Variants in CC2D1A observed in about 807,000 individuals in gnomAD.
The protein encoded by CC2D1A is coiled-coil and C2 domain containing 1A.
In CC2D1A, 68 loss-of-function variants were observed where a neutral mutation model predicts 123.8. The ratio of observed to expected loss-of-function variants is 0.55; its 90% CI spans 0.45 to 0.67. The LOEUF is 0.67. CC2D1A is among the 30% of genes least tolerant of loss of function. The pLI, the probability that CC2D1A is intolerant of heterozygous loss-of-function variation, is 0.00. For missense variants in CC2D1A, 1,185 were observed against 1,290.3 expected (o/e 0.92, Z 1.25); for synonymous variants, 477 against 528.0 (o/e 0.90, Z 1.32).
chr19:13,906,512 G>A lies in CC2D1A; in HGVS notation c.60+11G>A, dbSNP rs1214034173. On this transcript the variant is annotated intron_variant, in intron 1 of 28. Coordinates refer to ENST00000318003, the MANE Select transcript of CC2D1A (RefSeq NM_017721.5). The surrounding 1 kb of genome is among the most constrained non-coding windows in gnomAD (Gnocchi z 4.1). ...GCGGCCGCCCGCCAGGTGAGTTTGC[G>A]CCCCACGGCCCGACCTGGGGATCCC... 134 of 1,473,276 alleles carry A rather than the reference G, an allele frequency of 9.1e-5. No individual in the cohort carries two copies. Among genetic ancestry groups the A allele is most frequent in the Non-Finnish European group, 1.2e-4 (131 of 1,115,790 alleles). The allele number at this position is 1,473,276 out of a possible 1,614,324, so 91.3% of individuals were successfully genotyped here. A position where few individuals can be genotyped will look rare whatever the true frequency, so the allele number is the denominator to read the frequency against.
intron 24 of CC2D1A, 24 bp from the exon 25 acceptor site, chr19:13,929,355 C>A (rs370583100): frequency 6.2e-7 from 1 of 1,612,410 alleles, no homozygotes; most frequent in Non-Finnish European, 8.5e-7. Flanking sequence ...CTCTGCAGTC[C>A]CTTATCCTTC....
rs374676329 is a variant in CC2D1A at position 13,919,879 on chromosome 19, C to T, written c.1284C>T (p.Val428=). 3 of 1,613,048 alleles carry T rather than the reference C, an allele frequency of 1.9e-6. No homozygotes were observed. The African/African-American group carries it at 4.0e-5, about 22-fold the overall frequency. The part of the protein sequence containing the change: ...TKPTQQSLVG[V]LETAMKLANQ... Reference sequence around the variant, plus strand: ...CCACCCAGCAGAGTCTGGTGGGTGTCCTGGAGACTGCCATGAAGCTGGCCA... The same window carrying T: ...CCACCCAGCAGAGTCTGGTGGGTGTTCTGGAGACTGCCATGAAGCTGGCCA... Residue 428 remains valine, a synonymous_variant, in exon 12 of 29, where the codon GTC becomes GTT. Coordinates refer to ENST00000318003, the MANE Select transcript of CC2D1A (RefSeq NM_017721.5).
At chr19:13,928,228 A>G in intron 24 of CC2D1A, 40 bp downstream of exon 24, 1 of 1,562,668 alleles carries the variant, frequency 6.4e-7, no homozygotes, top group South Asian at 1.1e-5. Context: ...AAAACACCCA[A>G]TTCCCCTCTC....
chr19:13,918,731 C>A lies in CC2D1A; in HGVS notation c.947-15C>A. ...CTAACAAGCCCCTCATTGGCCTGGA[C>A]CTCTCTGTCCCCAGACCAGCTGCCC... On this transcript the variant is annotated splice_polypyrimidine_tract_variant and intron_variant, in intron 8 of 28. Coordinates refer to ENST00000318003, the MANE Select transcript of CC2D1A (RefSeq NM_017721.5). 6.2e-7 allele frequency: 1 copy of A among 1,607,690 alleles called. No homozygotes were observed. The highest frequency in any genetic ancestry group is 2.2e-5 in the East Asian group (1 of 44,872).
At position 13,906,578 on chromosome 19, in the gene CC2D1A, C is replaced by G. The variant is rs1970746270; in HGVS notation, c.60+77C>G. 2.1e-6 allele frequency: 2 copies of G among 930,974 alleles called. No homozygotes were observed. Among genetic ancestry groups the G allele is most frequent in the Non-Finnish European group, 1.5e-6 (1 of 665,288 alleles). The allele number at this position is 930,974 out of a possible 1,614,324, so 57.7% of individuals were successfully genotyped here. Reference sequence around the variant, plus strand: ...CTCGCTCAGGGAAGGGCCCCACCCCCCAGGGAAGCCCGATCTCCGCCCCAC... The same window carrying G: ...CTCGCTCAGGGAAGGGCCCCACCCCGCAGGGAAGCCCGATCTCCGCCCCAC... On this transcript the variant is annotated intron_variant, in intron 1 of 28. Coordinates refer to ENST00000318003, the MANE Select transcript of CC2D1A (RefSeq NM_017721.5). This position sits in a 1 kb window ranked among gnomAD's most constrained non-coding sequence, Gnocchi z 4.1.
chr19:13,916,808 C>T (rs543749002), intron 6 of CC2D1A, among the ~76,000 whole-genome samples: 4 of 152,206 alleles, frequency 2.6e-5, no homozygotes, highest in Non-Finnish European at 2.9e-5. Context: ...AAAGATACTG[C>T]GTGCCATTTT....
rs1465757245 is a variant in CC2D1A at position 13,925,959 on chromosome 19, TAC to T, written c.1941-555_1941-554del. Among the ~76,000 whole-genome samples, 173 of 120,382 alleles carry T rather than the reference TAC, an allele frequency of 1.4e-3. 7 individuals are homozygous for T. The highest frequency in any genetic ancestry group is 6.2e-3 in the African/African-American group (161 of 26,052). 79.0% of individuals were successfully genotyped at this position (120,382 alleles called of 152,430 possible). On this transcript the variant is annotated intron_variant, in intron 17 of 28. Transcript: ENST00000318003. ...ATATATATATATATATATATATATA[TAC>T]ACGTATATATATGTGTATATATATA...
At chr19:13,908,860 T>A (rs769532257) in intron 1 of CC2D1A, among the ~76,000 whole-genome samples, 1 of 151,708 alleles carries the variant, frequency 6.6e-6, no homozygotes, top group Non-Finnish European at 1.5e-5. Context: ...CCTCCCTCCC[T>A]CGCTTCCTTC....
chr19:13,919,926 A>T lies in CC2D1A; in HGVS notation c.1331A>T (p.Asp444Val). The change falls in exon 12 of 29, where the codon GAT becomes GTT. Residue 444 changes from aspartate (D) to valine (V), a missense_variant. Transcript: ENST00000318003. ...KLANQDEGPE[D>V]EEDEVPKKQN... ...GCCAACCAGGATGAAGGCCCAGAGG[A>T]TGAAGAGGATGAGGTGCCTAAGAAG... 1.2e-6 allele frequency: 2 copies of T among 1,613,024 alleles called. No homozygotes were observed. The highest frequency in any genetic ancestry group is 1.7e-6 in the Non-Finnish European group (2 of 1,179,682).
At chr19:13,920,011 C>A in intron 12 of CC2D1A, 60 bp downstream of exon 12, 1 of 1,502,944 alleles carries the variant, frequency 6.7e-7, no homozygotes, top group Non-Finnish European at 9.1e-7. Flanking sequence ...CTTTGGGAAT[C>A]CAAGATGGGA....
At position 13,912,456 on chromosome 19, in the gene CC2D1A, G is replaced by A. The variant is rs370245597; in HGVS notation, c.312+18G>A. 3.8e-5 allele frequency: 61 copies of A among 1,613,944 alleles called. No homozygotes were observed. In the African/African-American group the frequency reaches 6.4e-4, roughly 17 times the overall value. ...ACCTGCTGGTGAGCACTGAGGGCGG[G>A]GTGGGGGCTCTGATCCGGTTGCCCC... On this transcript the variant is annotated intron_variant, in intron 3 of 28. Transcript: ENST00000318003.
Position 13,923,710 on chromosome 19 carries a change from G to A in CC2D1A, c.1839G>A (p.Ala613=), listed in dbSNP as rs762535339. The A allele has an allele frequency of 1.1e-5, 18 of 1,614,056 alleles. No homozygotes were observed. Among genetic ancestry groups the A allele is most frequent in the African/African-American group, 8.0e-5 (6 of 74,942 alleles). ...ITETTKFEKL[A]EDCKRSMDIL... is the part of the protein sequence containing the mutation. The stretch of plus-strand genomic sequence containing the variant: ...CCACCGGCAGGTTTGAAAAGTTGGC[G>A]GAGGACTGTAAGCGGAGCATGGACA... Residue 613 remains alanine (A), a synonymous_variant, in exon 17 of 29, where the codon GCG becomes GCA. Transcript: ENST00000318003. This position sits in a 1 kb window ranked among gnomAD's most constrained non-coding sequence, Gnocchi z 5.3.
rs1237576245 is a variant in CC2D1A at position 13,929,632 on chromosome 19, G to A, written c.2682G>A (p.Leu894=). The A allele has an allele frequency of 1.1e-5, 18 of 1,572,396 alleles. No homozygotes were observed. The highest frequency in any genetic ancestry group is 1.5e-5 in the Non-Finnish European group (18 of 1,161,610). The change falls in exon 26 of 29, where the codon CTG becomes CTA. Residue 894 remains leucine, a synonymous_variant. Coordinates refer to ENST00000318003, the MANE Select transcript of CC2D1A (RefSeq NM_017721.5). ...MQRSQWQRAQ[L]EQGGVGIRRE... is the part of the protein sequence containing the mutation. ...GCAGCCAGTGGCAGAGGGCACAGCT[G>A]GAGCAGGGGGGTGTGGGCATCCGAC...
rs1361464805 is a variant in CC2D1A at position 13,912,590 on chromosome 19, C to T, written c.375C>T (p.Ala125=). 3 of 1,613,894 alleles carry T rather than the reference C, an allele frequency of 1.9e-6. No homozygotes were observed. Among genetic ancestry groups the T allele is most frequent in the South Asian group, 1.1e-5 (1 of 91,086 alleles). The change falls in exon 4 of 29, where the codon GCC becomes GCT. Residue 125 remains alanine, a synonymous_variant. Transcript: ENST00000318003. ...CTTCAGAGACCCCACCTCCTGTGGCCCAGGTACAGTTTGGATGACTCCACT... is the reference window on the plus strand; with the variant it reads ...CTTCAGAGACCCCACCTCCTGTGGCTCAGGTACAGTTTGGATGACTCCACT... ...QKASETPPPV[A]QPKPEAPHPG...
rs780974151 is a variant in CC2D1A at position 13,919,027 on chromosome 19, C to T, written c.1134C>T (p.His378=). ...GGGACCAGCGGAAAGCTCGAATGCA[C>T]GAGCGCATCGTCAAGGTGCCCTGGG... ...SKGDQRKARM[H]ERIVKQYQDA... Residue 378 remains histidine (H), a synonymous_variant, in exon 10 of 29, where the codon CAC becomes CAT. Coordinates refer to ENST00000318003, the MANE Select transcript of CC2D1A (RefSeq NM_017721.5). 32 of 1,606,856 alleles carry T rather than the reference C, an allele frequency of 2.0e-5. 1 individual carries two copies. In the South Asian group the frequency reaches 2.0e-4, roughly 10 times the overall value.
Position 13,906,456 on chromosome 19 carries a change from A to AGGACCCCCG in CC2D1A, c.27_35dup (p.Pro10_Gly12dup), listed in dbSNP as rs1028125077. On this transcript the variant is annotated inframe_insertion, in exon 1 of 29. Coordinates refer to ENST00000318003, the MANE Select transcript of CC2D1A (RefSeq NM_017721.5). The surrounding 1 kb of genome is among the most constrained non-coding windows in gnomAD (Gnocchi z 4.1). Reference sequence around the variant, plus strand: ...CAGCCTTGAAGATGCACAAGAGGAAAGGACCCCCGGGACCCCCGGGCAGAG... The same window carrying AGGACCCCCG: ...CAGCCTTGAAGATGCACAAGAGGAAAGGACCCCCGGGACCCCCGGGACCCCCGGGCAGAG... 1.2e-5 allele frequency: 18 copies of AGGACCCCCG among 1,517,310 alleles called. No homozygotes were observed. Among genetic ancestry groups the AGGACCCCCG allele is most frequent in the Non-Finnish European group, 1.6e-5 (18 of 1,134,622 alleles). The allele number at this position is 1,517,310 out of a possible 1,614,324, so 94.0% of individuals were successfully genotyped here.
At chr19:13,907,270 G>A (rs908336344) in intron 1 of CC2D1A, among the ~76,000 whole-genome samples, 1 of 152,066 alleles carries the variant, frequency 6.6e-6, no homozygotes, top group Non-Finnish European at 1.5e-5. Flanking sequence ...AGACTAACTG[G>A]GCATGGTGGC....
chr19:13,917,737 G>A (rs1403899426), intron 6 of CC2D1A, among the ~76,000 whole-genome samples: 2 of 152,110 alleles, frequency 1.3e-5, no homozygotes, highest in Admixed American at 6.6e-5. Flanking sequence ...CCAGCACTTT[G>A]GGAGTCCAAG....
intron 6 of CC2D1A, among the ~76,000 whole-genome samples, chr19:13,917,388 G>A (rs1971243444): frequency 6.6e-6 from 1 of 152,082 alleles, no homozygotes; most frequent in South Asian, 2.1e-4. Flanking sequence ...TGGGAGGATC[G>A]CCTAAGCCCG....
Sources: allele counts gnomAD v4.1 joint callset (sites outside exome capture counted in the v4.1 genomes callset), GRCh38; gene constraint gnomAD v4.1.1; non-coding constraint Gnocchi (gnomAD v3.1); transcripts MANE v1.5; gene names NCBI Gene and HGNC (gene_info 2026-07-23, HGNC 2026-07-21).